Variants in FBXW7 observed in about 807,000 individuals in gnomAD.
FBXW7 encodes the protein F-box/WD repeat-containing protein 7.
Under a neutral mutation model 86.3 loss-of-function variants are expected in FBXW7, and 11 were observed. The ratio of observed to expected loss-of-function variants is 0.13; its 90% CI spans 0.08 to 0.21. The LOEUF (loss-of-function observed/expected upper bound fraction) is 0.21. Ranked by LOEUF, FBXW7 falls within the 10% of genes least tolerant of loss-of-function variation. The pLI is 1.00. For synonymous variants in FBXW7, 313 were observed against 297.9 expected (o/e 1.05, Z -0.52); for missense variants, 488 against 847.4 (o/e 0.58, Z 5.27).
chr4:152,459,438 T>C (rs962327344), intron 2 of FBXW7, among the ~76,000 whole-genome samples: 8 of 152,348 alleles, frequency 5.3e-5, no homozygotes, highest in Non-Finnish European at 1.0e-4. Flanking sequence ...GCCATACTGT[T>C]GTATGTATAC....
chr4:152,361,337 T>C (rs1231656073), intron 4 of FBXW7, among the ~76,000 whole-genome samples: 1 of 152,134 alleles, frequency 6.6e-6, no homozygotes, highest in Non-Finnish European at 1.5e-5. Context: ...AAGTACTTCC[T>C]ATATACATAT....
In FBXW7 at chr4:152,328,269, A is replaced by G; in HGVS notation, c.1357T>C (p.Cys453Arg). ...GTATGCCCATATAAGGTGTGTATACATTCTCCAGTCTCTGCATTCCACACT... is the reference window on the plus strand; with the variant it reads ...GTATGCCCATATAAGGTGTGTATACGTTCTCCAGTCTCTGCATTCCACACT... Reference protein sequence around the residue: ...LKVWNAETGECIHTLYGHTST... With the variant: ...LKVWNAETGERIHTLYGHTST... The change falls in exon 11 of 14, where the codon TGT becomes CGT. Residue 453 changes from cysteine to arginine, a missense_variant. Transcript: ENST00000281708. The G allele has an allele frequency of 6.2e-7, 1 of 1,603,024 alleles. No individual in the cohort carries two copies. Among genetic ancestry groups the G allele is most frequent in the Non-Finnish European group, 8.5e-7 (1 of 1,175,536 alleles).
chr4:152,466,437 C>A (rs142848996), intron 2 of FBXW7, among the ~76,000 whole-genome samples: 17 of 151,930 alleles, frequency 1.1e-4, no homozygotes, highest in Admixed American at 9.8e-4. Context: ...TGCCTGTAAT[C>A]GCAGCTACTC....
At chr4:152,361,495 A>C (rs1158219053) in intron 4 of FBXW7, among the ~76,000 whole-genome samples, 1 of 152,180 alleles carries the variant, frequency 6.6e-6, no homozygotes, top group Non-Finnish European at 1.5e-5. Flanking sequence ...TAACTTGAAA[A>C]GGTATCTGAA....
chr4:152,328,793 C>G (rs1001906754), intron 10 of FBXW7: 1 of 153,362 alleles, frequency 6.5e-6, no homozygotes, highest in African/African-American at 2.4e-5. Context: ...CTACATACCA[C>G]ATTTCATCTG....
intron 4 of FBXW7, among the ~76,000 whole-genome samples, chr4:152,404,499 G>T (rs1037852760): frequency 6.6e-6 from 1 of 152,104 alleles, no homozygotes; most frequent in African/African-American, 2.4e-5. Context: ...AAAAATGTAT[G>T]TTTGCTTCAT....
At chr4:152,353,504 T>C (rs980720622) in intron 4 of FBXW7, among the ~76,000 whole-genome samples, 1 of 152,178 alleles carries the variant, frequency 6.6e-6, no homozygotes, top group Non-Finnish European at 1.5e-5. Context: ...AAGAATATCT[T>C]TGTAAGATTA....
At chr4:152,493,772 A>G (rs114067315) in intron 2 of FBXW7, among the ~76,000 whole-genome samples, 2,476 of 152,326 alleles carry the variant, frequency 0.016, 43 homozygotes, top group East Asian at 0.042. Context: ...TTTGACATCC[A>G]GCCTCCACAT....
At chr4:152,356,737 T>C (rs1732417168) in intron 4 of FBXW7, among the ~76,000 whole-genome samples, 1 of 152,214 alleles carries the variant, frequency 6.6e-6, no homozygotes, top group South Asian at 2.1e-4. Flanking sequence ...GTTTGCTTAT[T>C]AAAACTGGCA....
intron 2 of FBXW7, among the ~76,000 whole-genome samples, chr4:152,509,975 T>C (rs1279115759): frequency 1.3e-5 from 2 of 152,218 alleles, no homozygotes; most frequent in Non-Finnish European, 2.9e-5. Flanking sequence ...GAGCTGCGAT[T>C]AAAACTGAGA....
At chr4:152,488,460 C>T (rs367787878) in intron 2 of FBXW7, among the ~76,000 whole-genome samples, 2 of 152,132 alleles carry the variant, frequency 1.3e-5, no homozygotes, top group African/African-American at 2.4e-5. Flanking sequence ...GCCAATAAAG[C>T]GATTCGTTCA....
intron 2 of FBXW7, among the ~76,000 whole-genome samples, chr4:152,460,938 T>C (rs531509892): frequency 6.6e-6 from 1 of 152,354 alleles, no homozygotes; most frequent in Admixed American, 6.5e-5. Flanking sequence ...TTCAAATAGA[T>C]GACTTTTATT....
chr4:152,527,619 T>A (rs570627588), intron 2 of FBXW7, among the ~76,000 whole-genome samples: 2 of 151,928 alleles, frequency 1.3e-5, no homozygotes, highest in Admixed American at 1.3e-4. Context: ...ATTTTTTTTT[T>A]AAATTTGCAG....
rs566892633 is a variant in FBXW7 at position 152,494,381 on chromosome 4, A to G, written c.-120+40560T>C. Among the ~76,000 whole-genome samples, 208 of 152,358 alleles carry G rather than the reference A, an allele frequency of 1.4e-3. 3 individuals are homozygous for G. Among genetic ancestry groups the G allele is most frequent in the Non-Finnish European group, 2.5e-3 (169 of 68,034 alleles). On this transcript the variant is annotated intron_variant, in intron 2 of 13. Transcript: ENST00000281708. ...AGGAGAACAGATGATTGAAACAGTC[A>G]TGGTAAAGATGAGGAAACTAGCTGA...
intron 2 of FBXW7, among the ~76,000 whole-genome samples, chr4:152,466,615 A>G (rs1219278422): frequency 6.6e-6 from 1 of 152,056 alleles, no homozygotes; most frequent in Non-Finnish European, 1.5e-5. Context: ...TATTCCATAC[A>G]TAAGTTTACA....
intron 4 of FBXW7, among the ~76,000 whole-genome samples, chr4:152,360,421 A>C (rs1732825172): frequency 1.3e-5 from 2 of 152,208 alleles, no homozygotes; most frequent in South Asian, 4.1e-4. Flanking sequence ...AAAGTTAATG[A>C]AAAAACAATC....
At chr4:152,382,433 A>G (rs1448529236) in intron 4 of FBXW7, 4 of 1,244,344 alleles carry the variant, frequency 3.2e-6, no homozygotes, top group Non-Finnish European at 4.0e-6. Context: ...ATATTTAATA[A>G]TAGTTTTTAA....
rs1001606160 is a variant in FBXW7 at position 152,322,490 on chromosome 4, T to C, written c.*391A>G. 1.6e-5 allele frequency: 4 copies of C among 252,774 alleles called. No individual in the cohort carries two copies. The East Asian group carries it at 2.3e-4, about 14-fold the overall frequency. 15.7% of individuals were successfully genotyped at this position (252,774 alleles called of 1,614,324 possible). A position where few individuals can be genotyped will look rare whatever the true frequency, so the allele number is the denominator to read the frequency against. On this transcript the variant is annotated 3_prime_UTR_variant, in exon 14 of 14. Coordinates refer to ENST00000281708, the MANE Select transcript of FBXW7 (RefSeq NM_001349798.2). ...TATTATTGCAGTTCCTTTCTAGGTGTCTAGCTGTCAGTGGTAAAAGAACAG... is the reference window on the plus strand; with the variant it reads ...TATTATTGCAGTTCCTTTCTAGGTGCCTAGCTGTCAGTGGTAAAAGAACAG...
intron 2 of FBXW7, among the ~76,000 whole-genome samples, chr4:152,419,497 ACAC>A (rs1560874934): frequency 5.6e-4 from 81 of 145,220 alleles, no homozygotes; most frequent in East Asian, 4.6e-3. Context: ...TAAGGTAAAC[ACAC>A]ACACACACAC....
Sources: allele counts gnomAD v4.1 joint callset (sites outside exome capture counted in the v4.1 genomes callset), GRCh38; gene constraint gnomAD v4.1.1; transcripts MANE v1.5; gene names NCBI Gene and HGNC (gene_info 2026-07-23, HGNC 2026-07-21).